GPC6: variants seen among roughly 807,000 people sequenced by gnomAD.
The protein encoded by GPC6 is glypican-6.
GPC6 carries 14 observed loss-of-function variants against 55.2 expected under a neutral mutation model. The ratio of observed to expected loss-of-function variants is 0.25; its 90% CI spans 0.17 to 0.40. GPC6 has a LOEUF of 0.40. Ranked by LOEUF, GPC6 falls within the 10% of genes least tolerant of loss-of-function variation. GPC6 has a pLI of 1.00. For synonymous variants in GPC6, 278 were observed against 259.6 expected (o/e 1.07, Z -0.68); for missense variants, 641 against 708.5 (o/e 0.90, Z 1.08).
At chr13:93,348,835 T>C (rs1029793859) in intron 1 of GPC6, among the ~76,000 whole-genome samples, 15 of 152,206 alleles carry the variant, frequency 9.9e-5, no homozygotes, top group Non-Finnish European at 1.6e-4. Context: ...CATTTCTTCT[T>C]AGTTTGGTCT....
At chr13:93,730,698 T>C (rs998191543) in intron 2 of GPC6, among the ~76,000 whole-genome samples, 6 of 152,226 alleles carry the variant, frequency 3.9e-5, no homozygotes, top group Non-Finnish European at 7.3e-5. Flanking sequence ...TTAATTATAT[T>C]GCTCACTAGC....
intron 1 of GPC6, among the ~76,000 whole-genome samples, chr13:93,482,259 T>C (rs1879549154): frequency 6.6e-6 from 1 of 152,092 alleles, no homozygotes; most frequent in Non-Finnish European, 1.5e-5. Context: ...CATTTATTAA[T>C]TATATAATTA....
At chr13:93,461,460 T>G (rs919548862) in intron 1 of GPC6, among the ~76,000 whole-genome samples, 11 of 152,164 alleles carry the variant, frequency 7.2e-5, no homozygotes, top group African/African-American at 2.7e-4. Flanking sequence ...AATAATTTAG[T>G]TAAATAACTT....
At chr13:93,299,539 G>T (rs1878605507) in intron 1 of GPC6, among the ~76,000 whole-genome samples, 1 of 152,186 alleles carries the variant, frequency 6.6e-6, no homozygotes, top group South Asian at 2.1e-4. Context: ...CAGTGGTCAA[G>T]GTTAGAATTC....
rs192649566 is a variant in GPC6, at chr13:94,275,639, A to G, written c.878-10710A>G. ...GCAAAATCCACCATGAATGAAGAGA[A>G]AAGATAAACAATAACTAAGGGAAAA... On this transcript the variant is annotated intron_variant, in intron 4 of 8. Transcript: ENST00000377047. Among the ~76,000 whole-genome samples, 15 of 152,302 alleles carry G rather than the reference A, an allele frequency of 9.8e-5. 1 individual carries two copies. The highest frequency in any genetic ancestry group is 2.9e-5 in the Non-Finnish European group (2 of 68,020).
At chr13:93,358,563 T>C (rs1230398291) in intron 1 of GPC6, among the ~76,000 whole-genome samples, 1 of 152,140 alleles carries the variant, frequency 6.6e-6, no homozygotes, top group Non-Finnish European at 1.5e-5. Flanking sequence ...GCAGCATGAC[T>C]CTAAAGCCTA....
At chr13:93,686,766 A>G (rs1184165093) in intron 2 of GPC6, among the ~76,000 whole-genome samples, 1 of 152,146 alleles carries the variant, frequency 6.6e-6, no homozygotes, top group African/African-American at 2.4e-5. Context: ...GTGAATATAG[A>G]GAGTTTACAG....
chr13:93,319,160 T>C (rs954427310), intron 1 of GPC6, among the ~76,000 whole-genome samples: 5 of 152,164 alleles, frequency 3.3e-5, no homozygotes, highest in African/African-American at 4.8e-5. Context: ...AGGAAAGAGA[T>C]GGTGACATTT....
intron 4 of GPC6, among the ~76,000 whole-genome samples, chr13:94,178,292 C>A (rs971789959): frequency 3.3e-5 from 5 of 152,196 alleles, no homozygotes; most frequent in Admixed American, 1.3e-4. Flanking sequence ...CCATCGCACC[C>A]GGCTGGTCTT....
At chr13:93,494,669 TC>T (rs1260824016) in intron 1 of GPC6, among the ~76,000 whole-genome samples, 1 of 152,096 alleles carries the variant, frequency 6.6e-6, no homozygotes, top group Non-Finnish European at 1.5e-5. Flanking sequence ...TACCGGTTGT[TC>T]CTTTCCATGT....
chr13:93,313,725 A>G (rs1879151524), intron 1 of GPC6, among the ~76,000 whole-genome samples: 1 of 152,022 alleles, frequency 6.6e-6, no homozygotes, highest in African/African-American at 2.4e-5. Context: ...GCTATTCACA[A>G]GTATGATCAT....
intron 1 of GPC6, among the ~76,000 whole-genome samples, chr13:93,362,083 G>T (rs1348625992): frequency 3.3e-5 from 5 of 152,170 alleles, no homozygotes; most frequent in Non-Finnish European, 7.4e-5. Flanking sequence ...GGATGCTCTG[G>T]GGTATGTTTT....
chr13:93,880,018 C>T (rs989028183), intron 3 of GPC6, among the ~76,000 whole-genome samples: 1,580 of 150,648 alleles, frequency 0.01, 29 homozygotes, highest in African/African-American at 0.036. Flanking sequence ...CAATGAGATA[C>T]CATCTCACAG....
chr13:93,863,848 G>C (rs1352910165), intron 3 of GPC6, among the ~76,000 whole-genome samples: 1 of 151,686 alleles, frequency 6.6e-6, no homozygotes, highest in African/African-American at 2.4e-5. Flanking sequence ...ATGTGCATTT[G>C]TGTTGCAAAA....
At chr13:93,830,628 A>C (rs1396523496) in intron 3 of GPC6, 83 bp downstream of exon 3, 9 of 1,240,006 alleles carry the variant, frequency 7.3e-6, no homozygotes, top group East Asian at 2.5e-5. Context: ...AAAAAAAAAA[A>C]AAAAAAAAAA....
rs185827670 is a variant in GPC6 at position 94,031,743 on chromosome 13, G to A, written c.877+3849G>A. On this transcript the variant is annotated intron_variant, in intron 4 of 8. Coordinates refer to ENST00000377047, the MANE Select transcript of GPC6 (RefSeq NM_005708.5). Reference sequence around the variant, plus strand: ...GAGAAACAGTTTGTGGGCAGAACTCGCTTCAGTAATATCCTGTGGTTATTT... The same window carrying A: ...GAGAAACAGTTTGTGGGCAGAACTCACTTCAGTAATATCCTGTGGTTATTT... Among the ~76,000 whole-genome samples, 8 of 152,284 alleles carry A rather than the reference G, an allele frequency of 5.3e-5. No homozygotes were observed. In the East Asian group the frequency reaches 9.6e-4, roughly 18 times the overall value.
At chr13:93,998,056 A>G (rs1431811592) in intron 3 of GPC6, among the ~76,000 whole-genome samples, 2 of 152,208 alleles carry the variant, frequency 1.3e-5, no homozygotes, top group Non-Finnish European at 2.9e-5. Flanking sequence ...AATGTTGAAG[A>G]GAAATCGAAA....
intron 1 of GPC6, among the ~76,000 whole-genome samples, chr13:93,292,481 A>C (rs1878348894): frequency 6.6e-6 from 1 of 152,258 alleles, no homozygotes; most frequent in African/African-American, 2.4e-5. Context: ...GAAAATGTTA[A>C]CAATTATATG....
intron 4 of GPC6, among the ~76,000 whole-genome samples, chr13:94,165,657 T>A (rs909221579): frequency 1.7e-4 from 26 of 152,302 alleles, no homozygotes; most frequent in Middle Eastern, 3.4e-3. Context: ...AAATTTTTTT[T>A]AAATTATATC....
Sources: allele counts gnomAD v4.1 joint callset (sites outside exome capture counted in the v4.1 genomes callset), GRCh38; gene constraint gnomAD v4.1.1; transcripts MANE v1.5; gene names NCBI Gene and HGNC (gene_info 2026-07-23, HGNC 2026-07-21).